The following CDH4 variants were observed in gnomAD, a reference collection of about 807,000 sequenced individuals.
CDH4 encodes cadherin 4.
CDH4 carries 33 observed loss-of-function variants against 86.0 expected under a neutral mutation model. The ratio of observed to expected loss-of-function variants is 0.38; its 90% CI spans 0.29 to 0.51. The LOEUF (loss-of-function observed/expected upper bound fraction) is 0.51. CDH4 is among the 20% of genes least tolerant of loss of function. The probability of loss-of-function intolerance (pLI) is 0.86; values close to 1 mark genes in which losing one functional copy is unlikely to be tolerated. For synonymous variants in CDH4, 555 were observed against 549.4 expected (o/e 1.01, Z -0.14); for missense variants, 1,114 against 1,307.4 (o/e 0.85, Z 2.28).
intron 2 of CDH4, among the ~76,000 whole-genome samples, chr20:61,264,247 C>T (rs1166463769): frequency 6.6e-6 from 1 of 152,194 alleles, no homozygotes; most frequent in East Asian, 1.9e-4. Flanking sequence ...CGGTGACCTT[C>T]ATTCAACCCT....
chr20:61,529,566 A>G (rs1383138452), intron 2 of CDH4, among the ~76,000 whole-genome samples: 1 of 152,222 alleles, frequency 6.6e-6, no homozygotes. Flanking sequence ...CAGTGAGGAA[A>G]GAGAATCTCT....
intron 2 of CDH4, among the ~76,000 whole-genome samples, chr20:61,560,674 C>T (rs991176159): frequency 1.3e-5 from 2 of 152,244 alleles, no homozygotes; most frequent in African/African-American, 4.8e-5. Flanking sequence ...CCACAGAGGC[C>T]TTGGAATGCT....
intron 2 of CDH4, among the ~76,000 whole-genome samples, chr20:61,474,242 C>A (rs6061523): frequency 0.031 from 4,679 of 149,572 alleles, 255 homozygotes; most frequent in African/African-American, 0.11. Context: ...CTCACTGCAA[C>A]CCCCACCTCC....
chr20:61,664,089 G>A (rs976334643), intron 2 of CDH4, among the ~76,000 whole-genome samples: 4 of 152,126 alleles, frequency 2.6e-5, no homozygotes, highest in African/African-American at 7.2e-5. Context: ...CAGAGAGGAC[G>A]CCCTGCATGT....
chr20:61,526,045 G>A (rs935026366), intron 2 of CDH4, among the ~76,000 whole-genome samples: 3 of 152,156 alleles, frequency 2.0e-5, no homozygotes, highest in Non-Finnish European at 4.4e-5. Context: ...TCTTGCCCAA[G>A]AACACATGGT....
chr20:61,254,231 C>A (rs565263262), intron 1 of CDH4, among the ~76,000 whole-genome samples: 1 of 152,280 alleles, frequency 6.6e-6, no homozygotes, highest in African/African-American at 2.4e-5. Flanking sequence ...GGTGGAAGCG[C>A]CCCCACTGCC....
intron 2 of CDH4, among the ~76,000 whole-genome samples, chr20:61,305,666 A>G (rs906433134): frequency 6.6e-6 from 1 of 152,168 alleles, no homozygotes; most frequent in Non-Finnish European, 1.5e-5. Flanking sequence ...GAGTTTGTGC[A>G]TTTCCAGATG....
In CDH4 at chr20:61,923,657, C is replaced by G. The variant is rs748365681; in HGVS notation, c.1581C>G (p.Thr527=). ...GCGTGCCCCCCGGCACCGTGCTGACCACGTTTTCAGCTGTGGACCCTGACC... is the reference window on the plus strand; with the variant it reads ...GCGTGCCCCCCGGCACCGTGCTGACGACGTTTTCAGCTGTGGACCCTGACC... ...EEGVPPGTVL[T]TFSAVDPDRF... The change falls in exon 10 of 16, where the codon ACC becomes ACG. Residue 527 remains threonine (T), a synonymous_variant. Coordinates refer to ENST00000614565, the MANE Select transcript of CDH4 (RefSeq NM_001794.5). 6.2e-7 allele frequency: 1 copy of G among 1,614,060 alleles called. No homozygotes were observed. Among genetic ancestry groups the G allele is most frequent in the Non-Finnish European group, 8.5e-7 (1 of 1,180,036 alleles).
rs768503462 is a variant in CDH4 at position 61,852,855 on chromosome 20, C to G, written c.834C>G (p.Ile278Met). The change falls in exon 6 of 16, where the codon ATC becomes ATG. Residue 278 changes from isoleucine to methionine, a missense_variant. Ile to Met is a conservative substitution (Grantham distance 10). Around this residue, in one of 3 missense-constraint regions of CDH4, gnomAD observed 705 missense variants for 914.1 expected, o/e 0.77. Coordinates refer to ENST00000614565, the MANE Select transcript of CDH4 (RefSeq NM_001794.5). ...IDMNDNRPEF[I>M]NQVYNGSVDE... ...TGAATGACAACCGCCCTGAGTTCAT[C>G]AACCAGGTCTACAACGGCTCCGTGG... 6.2e-7 allele frequency: 1 copy of G among 1,614,090 alleles called. No individual in the cohort carries two copies. The highest frequency in any genetic ancestry group is 1.1e-5 in the South Asian group (1 of 91,072).
chr20:61,705,666 G>T (rs143796602), intron 2 of CDH4, among the ~76,000 whole-genome samples: 1 of 152,274 alleles, frequency 6.6e-6, no homozygotes, highest in Admixed American at 6.5e-5. Flanking sequence ...GGGACTCATT[G>T]CAGCTTGGCC....
chr20:61,623,343 C>T lies in CDH4; in HGVS notation c.170-120220C>T, dbSNP rs2086796161. 6.6e-6 allele frequency among the ~76,000 whole-genome samples: 1 copy of T among 152,142 alleles called. No individual in the cohort carries two copies. Among genetic ancestry groups the T allele is most frequent in the Admixed American group, 6.5e-5 (1 of 15,276 alleles). ...CTGCCTTCCTAGGGGAGCATGGTGA[C>T]AGCTTCCTGTCTGTTACCTTTCCCC... On this transcript the variant is annotated intron_variant, in intron 2 of 15. Transcript: ENST00000614565. This position sits in a 1 kb window ranked among gnomAD's most constrained non-coding sequence, Gnocchi z 4.4.
rs2084069619 is a variant in CDH4, at chr20:61,252,697, C to T, written c.57+127C>T. 1.5e-5 allele frequency: 7 copies of T among 455,898 alleles called. No homozygotes were observed. Among genetic ancestry groups the T allele is most frequent in the Middle Eastern group, 1.5e-3 (2 of 1,318 alleles). 28.2% of individuals were successfully genotyped at this position (455,898 alleles called of 1,614,324 possible). ...GGCTCCCCCGCCGCGCTCCCCGCTG[C>T]ATCCAGCCCGGCGCCCGCGCTCGGC... On this transcript the variant is annotated intron_variant, in intron 1 of 15. Transcript: ENST00000614565. This position sits in a 1 kb window ranked among gnomAD's most constrained non-coding sequence, Gnocchi z 4.4.
intron 2 of CDH4, among the ~76,000 whole-genome samples, chr20:61,733,759 T>G (rs1453905970): frequency 6.6e-6 from 1 of 152,222 alleles, no homozygotes; most frequent in Non-Finnish European, 1.5e-5. Context: ...TGGCAACCTC[T>G]GCTGGTTGAA....
intron 2 of CDH4, among the ~76,000 whole-genome samples, chr20:61,502,933 T>A (rs2085715013): frequency 6.6e-6 from 1 of 152,202 alleles, no homozygotes; most frequent in Non-Finnish European, 1.5e-5. Context: ...AACAGTGGGA[T>A]CACACTGAAG....
intron 8 of CDH4, among the ~76,000 whole-genome samples, chr20:61,907,951 A>T (rs2054808853): frequency 6.6e-6 from 1 of 152,168 alleles, no homozygotes; most frequent in Non-Finnish European, 1.5e-5. Flanking sequence ...GGATAAATCC[A>T]CAATTTTTCT....
At chr20:61,511,097 AC>A (rs1397179312) in intron 2 of CDH4, among the ~76,000 whole-genome samples, 3 of 152,238 alleles carry the variant, frequency 2.0e-5, no homozygotes, top group Non-Finnish European at 4.4e-5. Flanking sequence ...CACCTCCAAC[AC>A]TGGGGATTCC....
At chr20:61,295,777 C>T (rs923882972) in intron 2 of CDH4, among the ~76,000 whole-genome samples, 8 of 152,128 alleles carry the variant, frequency 5.3e-5, no homozygotes, top group African/African-American at 1.9e-4. Context: ...ACCAGCTCCT[C>T]GTGCCCACCA....
In CDH4 at chr20:61,790,161, T is replaced by C. The variant is rs1979094457; in HGVS notation, c.576+16979T>C. 2.0e-5 allele frequency among the ~76,000 whole-genome samples: 3 copies of C among 151,200 alleles called. No individual in the cohort carries two copies. The South Asian group carries it at 6.3e-4, about 32-fold the overall frequency. ...CCACCCATCCACACACCCACCCATC[T>C]ACCCATCCGTCATCCATTCATCCAT... On this transcript the variant is annotated intron_variant, in intron 4 of 15. Transcript: ENST00000614565.
chr20:61,931,820 G>T (rs1279497762), intron 13 of CDH4, among the ~76,000 whole-genome samples: 1 of 152,112 alleles, frequency 6.6e-6, no homozygotes, highest in Non-Finnish European at 1.5e-5. Context: ...CAGCTTGGGG[G>T]AGAGGGTCCC....
Sources: gnomAD v4.1 joint callset for allele counts (sites outside exome capture counted in the v4.1 genomes callset) on GRCh38, gnomAD v4.1.1 for gene constraint, gnomAD v4.1.1 regional missense constraint, Gnocchi (gnomAD v3.1) non-coding constraint, MANE v1.5 for transcripts, NCBI Gene and HGNC (gene_info 2026-07-23, HGNC 2026-07-21) for gene names.